TDRD9: variants seen among roughly 807,000 people sequenced by gnomAD.
TDRD9 encodes the protein ATP-dependent RNA helicase TDRD9.
A neutral mutation model predicts 172.6 loss-of-function variants in TDRD9; 124 were observed. The observed-to-expected ratio is 0.72, with a 90% confidence interval of 0.62 to 0.83. The LOEUF (loss-of-function observed/expected upper bound fraction) is 0.83, where lower values mean the gene tolerates loss of function less well. Ranked by LOEUF, TDRD9 falls within the 40% of genes least tolerant of loss-of-function variation. The pLI, the probability that TDRD9 is intolerant of heterozygous loss-of-function variation, is 0.00. For missense variants in TDRD9, 1,479 were observed against 1,714.1 expected (o/e 0.86, Z 2.42); for synonymous variants, 619 against 617.1 (o/e 1.00, Z -0.05).
intron 13 of TDRD9, among the ~76,000 whole-genome samples, chr14:104,002,166 A>C (rs983770971): frequency 6.6e-6 from 1 of 151,792 alleles, no homozygotes; most frequent in Non-Finnish European, 1.5e-5. Flanking sequence ...TAAAAAATAC[A>C]AAAATTAGTC....
At chr14:104,041,098 A>C (rs557397939) in intron 33 of TDRD9, among the ~76,000 whole-genome samples, 1 of 152,294 alleles carries the variant, frequency 6.6e-6, no homozygotes, top group South Asian at 2.1e-4. Flanking sequence ...ACATAACCAC[A>C]CTGAAGGGCC....
At chr14:103,939,180 G>A (rs1019397507) in intron 1 of TDRD9, among the ~76,000 whole-genome samples, 1 of 152,154 alleles carries the variant, frequency 6.6e-6, no homozygotes, top group African/African-American at 2.4e-5. Flanking sequence ...GTGGCTGCTT[G>A]AGGAGCCTTG....
chr14:104,023,911 T>C (rs2035038301), intron 24 of TDRD9, among the ~76,000 whole-genome samples: 1 of 152,204 alleles, frequency 6.6e-6, no homozygotes, highest in Non-Finnish European at 1.5e-5. Flanking sequence ...GAGTCACTCA[T>C]TGCCTGAGTC....
intron 23 of TDRD9, among the ~76,000 whole-genome samples, chr14:104,021,512 G>T (rs886975068): frequency 6.6e-6 from 1 of 152,100 alleles, no homozygotes; most frequent in African/African-American, 2.4e-5. Flanking sequence ...GGCCAACATG[G>T]TGAAACCCTG....
At chr14:104,028,419 G>T (rs1424310007) in intron 28 of TDRD9, among the ~76,000 whole-genome samples, 1 of 152,120 alleles carries the variant, frequency 6.6e-6, no homozygotes, top group Non-Finnish European at 1.5e-5. Flanking sequence ...CGATGGTTTT[G>T]ATTTGAATTT....
chr14:104,012,514 CTTT>C (rs34438756), intron 20 of TDRD9, among the ~76,000 whole-genome samples: 1 of 142,016 alleles, frequency 7.0e-6, no homozygotes, highest in African/African-American at 2.6e-5. Flanking sequence ...TAAATCATTG[CTTT>C]TTTTTTTTTT....
intron 1 of TDRD9, among the ~76,000 whole-genome samples, chr14:103,952,367 G>A (rs1437642765): frequency 1.4e-5 from 2 of 147,098 alleles, no homozygotes; most frequent in South Asian, 2.1e-4. Flanking sequence ...TCAGCTTCCC[G>A]AGTATCTGGG....
intron 13 of TDRD9, among the ~76,000 whole-genome samples, chr14:104,001,607 T>G (rs1210620721): frequency 3.3e-5 from 5 of 152,148 alleles, no homozygotes; most frequent in Non-Finnish European, 7.4e-5. Context: ...AATCTATGTT[T>G]AGTTTCTTTT....
intron 1 of TDRD9, among the ~76,000 whole-genome samples, chr14:103,948,273 T>A (rs971425404): frequency 6.6e-6 from 1 of 151,984 alleles, no homozygotes; most frequent in Non-Finnish European, 1.5e-5. Flanking sequence ...CACCTTCACC[T>A]CCCAAAGTGC....
At chr14:104,018,440 G>T (rs1213940333) in intron 23 of TDRD9, among the ~76,000 whole-genome samples, 2 of 152,180 alleles carry the variant, frequency 1.3e-5, no homozygotes, top group African/African-American at 4.8e-5. Flanking sequence ...CTCCAAGAAG[G>T]CTCAGTAACT....
At chr14:104,049,521 T>G in intron 34 of TDRD9, 87 bp from the exon 35 acceptor site, 1 of 1,023,524 alleles carries the variant, frequency 9.8e-7, no homozygotes, top group South Asian at 1.6e-5. Context: ...GTGGGAAGCA[T>G]ATAGGATTTA....
At chr14:103,995,106 TG>T (rs1328874624) in intron 11 of TDRD9, among the ~76,000 whole-genome samples, 1 of 152,236 alleles carries the variant, frequency 6.6e-6, no homozygotes, top group Non-Finnish European at 1.5e-5. Flanking sequence ...TAAGATTTTT[TG>T]TTTTCTCAAT....
At chr14:104,041,157 G>T (rs752144624) in intron 33 of TDRD9, among the ~76,000 whole-genome samples, 4 of 152,188 alleles carry the variant, frequency 2.6e-5, no homozygotes, top group Non-Finnish European at 4.4e-5. Context: ...CCGGGGGCAG[G>T]TATCAGTGTT....
rs543076298 is a variant in TDRD9 at position 103,959,646 on chromosome 14, T to G, written c.323-3433T>G. Among the ~76,000 whole-genome samples the G allele has an allele frequency of 1.8e-4, 28 of 152,204 alleles. 1 individual carries two copies. Among genetic ancestry groups the G allele is most frequent in the Admixed American group, 7.2e-4 (11 of 15,284 alleles). On this transcript the variant is annotated intron_variant, in intron 2 of 35. Transcript: ENST00000409874. ...TATAAAATAATTTGATTCAAAACAC[T>G]TTTGATTTTGGCCTGATACAGGTGT...
chr14:103,953,530 C>A (rs568216362), intron 1 of TDRD9, among the ~76,000 whole-genome samples: 8 of 149,576 alleles, frequency 5.3e-5, no homozygotes, highest in African/African-American at 2.0e-4. Flanking sequence ...TTGGTGATGA[C>A]ACTTGGTGCA....
intron 27 of TDRD9, 109 bp from the exon 28 acceptor site, chr14:104,026,570 T>G: frequency 2.8e-4 from 360 of 1,303,096 alleles, no homozygotes; most frequent in Non-Finnish European, 3.5e-4. Flanking sequence ...GGGACTTTTA[T>G]GAGAATATTA....
At chr14:103,985,608 G>A (rs1018747751) in intron 7 of TDRD9, among the ~76,000 whole-genome samples, 5 of 152,036 alleles carry the variant, frequency 3.3e-5, no homozygotes, top group Non-Finnish European at 7.3e-5. Context: ...GTGCCTGAGG[G>A]GCAAGTTTAC....
intron 7 of TDRD9, among the ~76,000 whole-genome samples, chr14:103,983,645 A>G (rs2033565558): frequency 1.3e-5 from 2 of 152,218 alleles, no homozygotes; most frequent in South Asian, 4.1e-4. Context: ...TACTGTAGAA[A>G]GATGCTTGTG....
At chr14:103,931,256 G>T (rs2030371971) in intron 1 of TDRD9, among the ~76,000 whole-genome samples, 1 of 150,994 alleles carries the variant, frequency 6.6e-6, no homozygotes, top group Non-Finnish European at 1.5e-5. Flanking sequence ...CTGAGATTGT[G>T]CCACTGCACT....
Sources: allele counts gnomAD v4.1 joint callset (sites outside exome capture counted in the v4.1 genomes callset), GRCh38; gene constraint gnomAD v4.1.1; transcripts MANE v1.5; gene names NCBI Gene and HGNC (gene_info 2026-07-23, HGNC 2026-07-21).